The following CEP112 variants were observed in gnomAD, a reference collection of about 807,000 sequenced individuals.
The protein encoded by CEP112 is centrosomal protein of 112 kDa.
CEP112 carries 127 observed loss-of-function variants against 153.0 expected under a neutral mutation model. The observed-to-expected ratio is 0.83, with a 90% CI of 0.72 to 0.96. The LOEUF (loss-of-function observed/expected upper bound fraction) is 0.96, where lower values mean the gene tolerates loss of function less well. Among genes scored for constraint, CEP112 ranks in the 40% least tolerant of loss-of-function variants. The pLI, the probability that CEP112 is intolerant of heterozygous loss-of-function variation, is 0.00. For missense variants in CEP112, 1,089 were observed against 1,101.2 expected, an observed-to-expected ratio of 0.99 and a Z score of 0.16; for synonymous variants, 358 against 374.4, an observed-to-expected ratio of 0.96 and a Z score of 0.51.
At chr17:65,864,520 GT>G (rs1357324271) in intron 20 of CEP112, among the ~76,000 whole-genome samples, 1 of 152,140 alleles carries the variant, frequency 6.6e-6, no homozygotes, top group Non-Finnish European at 1.5e-5. Flanking sequence ...TCTTCAGCTG[GT>G]CACAAACACA....
intron 23 of CEP112, among the ~76,000 whole-genome samples, chr17:65,709,852 A>G (rs2049089044): frequency 1.3e-5 from 2 of 152,216 alleles, no homozygotes; most frequent in African/African-American, 4.8e-5. Flanking sequence ...TTGCTCTGCA[A>G]TGTCTTCTAC....
chr17:65,724,902 G>A (rs887320530), intron 23 of CEP112, among the ~76,000 whole-genome samples: 2 of 151,924 alleles, frequency 1.3e-5, no homozygotes, highest in African/African-American at 2.4e-5. Context: ...AAGGCTGCCC[G>A]CTCCCCACTT....
intron 12 of CEP112, among the ~76,000 whole-genome samples, chr17:66,048,900 C>T (rs12602306): frequency 0.41 from 63,033 of 152,012 alleles, 14,546 homozygotes; most frequent in East Asian, 0.87. Context: ...AGAGCCACCA[C>T]GCCAGGCCAA....
At chr17:66,126,386 CAT>C (rs767792868) in intron 6 of CEP112, among the ~76,000 whole-genome samples, 4 of 151,890 alleles carry the variant, frequency 2.6e-5, no homozygotes, top group African/African-American at 4.8e-5. Context: ...AATGGGTACA[CAT>C]AGAGTGTTTC....
intron 16 of CEP112, among the ~76,000 whole-genome samples, chr17:66,027,300 C>T (rs1438945432): frequency 6.6e-6 from 1 of 152,024 alleles, no homozygotes; most frequent in East Asian, 1.9e-4. Context: ...TCCCTTGAAC[C>T]TAGGAGGCAG....
intron 24 of CEP112, chr17:65,661,692 A>T (rs551689076): frequency 7.9e-5 from 12 of 152,334 alleles, no homozygotes; most frequent in African/African-American, 1.9e-4. Context: ...GTTTGAGACC[A>T]TTACATGGAC....
At chr17:65,768,243 T>C (rs543895304) in intron 21 of CEP112, among the ~76,000 whole-genome samples, 31 of 152,188 alleles carry the variant, frequency 2.0e-4, no homozygotes, top group African/African-American at 6.7e-4. Flanking sequence ...ATAAAAATAA[T>C]AAAGAAGAGA....
chr17:66,076,556 G>A (rs540797922), intron 8 of CEP112, among the ~76,000 whole-genome samples: 86 of 152,216 alleles, frequency 5.6e-4, no homozygotes, highest in Admixed American at 1.1e-3. Context: ...AGTAAGAGCT[G>A]CCCAAGGAGA....
At chr17:66,162,120 A>G (rs2071738019) in intron 4 of CEP112, among the ~76,000 whole-genome samples, 1 of 152,062 alleles carries the variant, frequency 6.6e-6, no homozygotes, top group Admixed American at 6.5e-5. Context: ...ACAAAGACAA[A>G]TCGACAGTGA....
chr17:66,131,872 T>C (rs2070185292), intron 5 of CEP112, among the ~76,000 whole-genome samples: 1 of 151,400 alleles, frequency 6.6e-6, no homozygotes, highest in Non-Finnish European at 1.5e-5. Flanking sequence ...TGTTTCTCTT[T>C]TCCAAGCTAA....
chr17:65,871,439 T>C (rs1216142783), intron 20 of CEP112, among the ~76,000 whole-genome samples: 4 of 152,030 alleles, frequency 2.6e-5, no homozygotes, highest in Admixed American at 6.6e-5. Context: ...ATCAAGACCA[T>C]CCTGGCTAAC....
intron 23 of CEP112, among the ~76,000 whole-genome samples, chr17:65,740,809 A>G (rs1217737105): frequency 1.3e-5 from 2 of 152,192 alleles, no homozygotes; most frequent in Admixed American, 1.3e-4. Flanking sequence ...ATATCTATTC[A>G]TGTACCTAAA....
chr17:65,853,713 G>A (rs1188224539), intron 20 of CEP112, among the ~76,000 whole-genome samples: 1 of 143,896 alleles, frequency 6.9e-6, no homozygotes, highest in Non-Finnish European at 1.5e-5. Context: ...GGGCAACAGA[G>A]CGAGACTCCA....
At chr17:66,000,061 G>A (rs570996508) in intron 17 of CEP112, among the ~76,000 whole-genome samples, 5 of 152,036 alleles carry the variant, frequency 3.3e-5, no homozygotes, top group African/African-American at 7.2e-5. Flanking sequence ...AATAGAACAC[G>A]ATTTTCTATT....
chr17:65,641,225 T>C (rs1175778372), intron 24 of CEP112, among the ~76,000 whole-genome samples, 160 bp from the exon 25 acceptor site: 1 of 152,186 alleles, frequency 6.6e-6, no homozygotes, highest in Non-Finnish European at 1.5e-5. Flanking sequence ...AGTTAAAAAC[T>C]GAAAAGGCTA....
At chr17:66,112,268 G>A (rs980642098) in intron 6 of CEP112, among the ~76,000 whole-genome samples, 1 of 151,748 alleles carries the variant, frequency 6.6e-6, no homozygotes, top group African/African-American at 2.4e-5. Flanking sequence ...TCCAGCCTGG[G>A]GGATGAGAGT....
intron 2 of CEP112, among the ~76,000 whole-genome samples, chr17:66,177,832 G>A (rs2072550877): frequency 1.3e-5 from 2 of 152,038 alleles, no homozygotes. Flanking sequence ...TCTGTGCCCA[G>A]CTTATTTCAC....
chr17:66,107,541 A>G (rs1276445890), intron 6 of CEP112, among the ~76,000 whole-genome samples: 1 of 152,268 alleles, frequency 6.6e-6, no homozygotes, highest in East Asian at 1.9e-4. Context: ...AATTCCATTT[A>G]CAATAGATAC....
At chr17:65,794,609 C>T (rs1437414207) in intron 21 of CEP112, among the ~76,000 whole-genome samples, 2 of 152,212 alleles carry the variant, frequency 1.3e-5, no homozygotes, top group African/African-American at 4.8e-5. Context: ...CTAGAAAGCT[C>T]CAAATGGGTA....
Sources: gnomAD v4.1 joint callset for allele counts (sites outside exome capture counted in the v4.1 genomes callset) on GRCh38, gnomAD v4.1.1 for gene constraint, MANE v1.5 for transcripts, NCBI Gene and HGNC (gene_info 2026-07-23, HGNC 2026-07-21) for gene names.